Variants in ABLIM1 observed in about 807,000 individuals in gnomAD.
ABLIM1 encodes the protein actin-binding LIM protein 1.
In ABLIM1, 40 loss-of-function variants were observed where a neutral mutation model predicts 107.0. The observed-to-expected ratio is 0.37, with a 90% confidence interval of 0.29 to 0.49. The LOEUF is 0.49. Among genes scored for constraint, ABLIM1 ranks in the 20% least tolerant of loss-of-function variants. ABLIM1 has a pLI of 0.97. For missense variants in ABLIM1, 857 were observed against 1,008.5 expected (o/e 0.85, Z 2.04); for synonymous variants, 357 against 357.3 (o/e 1.00, Z 0.01).
chr10:114,603,682 G>A (rs938889273), intron 1 of ABLIM1, among the ~76,000 whole-genome samples: 5 of 151,098 alleles, frequency 3.3e-5, no homozygotes, highest in East Asian at 1.9e-4. Context: ...GGCTTGGCAC[G>A]GTGGCTCACA....
intron 1 of ABLIM1, among the ~76,000 whole-genome samples, chr10:114,704,378 C>T (rs996003894): frequency 7.0e-6 from 1 of 142,846 alleles, no homozygotes; most frequent in Non-Finnish European, 1.5e-5. Flanking sequence ...TAACAAGAGC[C>T]TAAATTGTTA....
At chr10:114,676,071 G>A (rs1005662702) in intron 1 of ABLIM1, among the ~76,000 whole-genome samples, 6 of 152,154 alleles carry the variant, frequency 3.9e-5, no homozygotes, top group African/African-American at 7.2e-5. Flanking sequence ...GGACTTCAGC[G>A]TCCTTTGTGA....
chr10:114,514,534 C>T (rs187683784), intron 6 of ABLIM1, among the ~76,000 whole-genome samples: 2 of 152,062 alleles, frequency 1.3e-5, no homozygotes, highest in East Asian at 3.9e-4. Context: ...GCCACCATAC[C>T]CAACTAATTT....
chr10:114,776,972 A>G, the ABLIM1 span, among the ~76,000 whole-genome samples: 1 of 152,206 alleles, frequency 6.6e-6, no homozygotes, highest in Non-Finnish European at 1.5e-5. Context: ...ATACCTATGT[A>G]TAAGTTTCTT....
At chr10:114,595,512 A>G (rs1410655562) in intron 2 of ABLIM1, among the ~76,000 whole-genome samples, 1 of 152,228 alleles carries the variant, frequency 6.6e-6, no homozygotes, top group African/African-American at 2.4e-5. Context: ...AACAGATCAC[A>G]TTAAAACAAC....
intron 4 of ABLIM1, among the ~76,000 whole-genome samples, chr10:114,557,677 T>G (rs1001071796): frequency 6.7e-6 from 1 of 149,122 alleles, no homozygotes; most frequent in African/African-American, 2.5e-5. Context: ...AGGTGTTTTT[T>G]TTTTTTTTTT....
At chr10:114,734,526 C>T (rs537228081) in intron 1 of ABLIM1, among the ~76,000 whole-genome samples, 8 of 152,240 alleles carry the variant, frequency 5.3e-5, no homozygotes, top group African/African-American at 1.9e-4. Flanking sequence ...CTTGTTCCCC[C>T]AATCCTCCTT....
intron 11 of ABLIM1, 89 bp from the exon 12 acceptor site, chr10:114,465,916 A>G (rs2065053259): frequency 7.0e-7 from 1 of 1,425,876 alleles, no homozygotes; most frequent in Non-Finnish European, 9.6e-7. Context: ...CATCATGTCT[A>G]CTTGTTTATA....
chr10:114,655,807 A>T (rs2079480449), intron 1 of ABLIM1, among the ~76,000 whole-genome samples: 1 of 152,144 alleles, frequency 6.6e-6, no homozygotes, highest in Admixed American at 6.6e-5. Context: ...TCATGAAGAG[A>T]AGACTGTTAA....
chr10:114,655,824 G>C (rs1171570488), intron 1 of ABLIM1, among the ~76,000 whole-genome samples: 1 of 152,160 alleles, frequency 6.6e-6, no homozygotes, highest in Non-Finnish European at 1.5e-5. Context: ...TTAAGAGTAA[G>C]AGACAAGGAG....
chr10:114,788,311 C>T, the ABLIM1 span, among the ~76,000 whole-genome samples: 486 of 124,402 alleles, frequency 3.9e-3, 2 homozygotes, highest in African/African-American at 0.014. Context: ...GCGAGAAACA[C>T]CCAAGAATGA....
intron 6 of ABLIM1, among the ~76,000 whole-genome samples, chr10:114,492,660 T>A (rs2059158237): frequency 6.6e-6 from 1 of 152,202 alleles, no homozygotes; most frequent in African/African-American, 2.4e-5. Context: ...GTTCACAGCC[T>A]AGCAAAAAAT....
intron 12 of ABLIM1, chr10:114,463,207 AAAG>A (rs1179504255): frequency 7.4e-6 from 9 of 1,219,590 alleles, no homozygotes; most frequent in Non-Finnish European, 9.5e-6. Context: ...TGGAAACAGA[AAAG>A]AAGAACAGAA....
intron 2 of ABLIM1, among the ~76,000 whole-genome samples, chr10:114,582,963 A>G (rs970063929): frequency 6.6e-6 from 1 of 152,200 alleles, no homozygotes; most frequent in Non-Finnish European, 1.5e-5. Flanking sequence ...CAAAGAATTT[A>G]TGACTAACTC....
At chr10:114,485,525 T>C (rs1033641436) in intron 8 of ABLIM1, 2 of 719,970 alleles carry the variant, frequency 2.8e-6, no homozygotes, top group Non-Finnish European at 4.3e-6. Flanking sequence ...CTTTCATTGA[T>C]GTACATGTGG....
At chr10:114,765,073 C>CT (rs1001671974) in intron 1 of ABLIM1, 24 of 152,066 alleles carry the variant, frequency 1.6e-4, no homozygotes, top group East Asian at 5.8e-4. Flanking sequence ...CTTTTCTTTT[C>CT]TTTTTTTTGG....
upstream of ABLIM1, among the ~76,000 whole-genome samples, chr10:114,659,958 C>G (rs2079715420): frequency 1.3e-5 from 2 of 152,200 alleles, no homozygotes; most frequent in Non-Finnish European, 2.9e-5. Flanking sequence ...AGTTCCTAAT[C>G]TATTGGCAAC....
At chr10:114,757,234 G>C (rs2082649881) in intron 1 of ABLIM1, among the ~76,000 whole-genome samples, 1 of 152,106 alleles carries the variant, frequency 6.6e-6, no homozygotes, top group East Asian at 1.9e-4. Flanking sequence ...AATGTAAAGA[G>C]GCAGCATTGT....
chr10:114,434,280 AAC>A lies in ABLIM1; in HGVS notation c.*1978_*1979del, dbSNP rs58418721. On this transcript the variant is annotated 3_prime_UTR_variant, in exon 23 of 23. Coordinates refer to ENST00000533213, the MANE Select transcript of ABLIM1 (RefSeq NM_002313.7). ...ATTTGCTAAACATGTTAGTAGATCCAACACACACACACACACACACACACACA... is the reference window on the plus strand; with the variant it reads ...ATTTGCTAAACATGTTAGTAGATCCAACACACACACACACACACACACACA... The A allele has an allele frequency of 0.078, 10,853 of 138,652 alleles. 428 individuals carry two copies. Among genetic ancestry groups the A allele is most frequent in the Non-Finnish European group, 0.088 (5,675 of 64,814 alleles). The allele number at this position is 138,652 out of a possible 1,614,324, so 8.6% of individuals were successfully genotyped here. A position where few individuals can be genotyped will look rare whatever the true frequency, so the allele number is the denominator to read the frequency against.
Sources: allele counts gnomAD v4.1 joint callset (sites outside exome capture counted in the v4.1 genomes callset), GRCh38; gene constraint gnomAD v4.1.1; transcripts MANE v1.5; gene names NCBI Gene and HGNC (gene_info 2026-07-23, HGNC 2026-07-21).